Variants in TFAP2A observed in about 807,000 individuals in gnomAD.
TFAP2A encodes the protein transcription factor AP-2 alpha, also known as transcription factor AP-2-alpha.
In TFAP2A, 7 loss-of-function variants were observed where a neutral mutation model predicts 41.5. That is an observed-to-expected ratio of 0.17 (90% CI 0.10 to 0.32). TFAP2A has a LOEUF of 0.32. Ranked by LOEUF, TFAP2A falls within the 10% of genes least tolerant of loss-of-function variation. The probability of loss-of-function intolerance (pLI) is 1.00; values close to 1 mark genes in which losing one functional copy is unlikely to be tolerated. For synonymous variants in TFAP2A, 247 were observed against 242.8 expected (o/e 1.02, Z -0.16); for missense variants, 416 against 563.3 (o/e 0.74, Z 2.65).
At chr6:10,406,763 A>G (rs762612619) in intron 3 of TFAP2A, 30 bp downstream of exon 3, 5 of 1,587,588 alleles carry the variant, frequency 3.1e-6, no homozygotes, top group African/African-American at 1.3e-5. Context: ...CTGTAAGGAC[A>G]TGCTTGGAAT....
At chr6:10,412,469 A>C (rs2113216186) in intron 1 of TFAP2A, 1 of 122,878 alleles carries the variant, frequency 8.1e-6, no homozygotes. Context: ...AAGGGAGGGA[A>C]AGAGGGAGGG....
rs1254855466 is a variant in TFAP2A, at chr6:10,409,865, T to C, written c.486+36A>G. On this transcript the variant is annotated intron_variant, in intron 2 of 6. Transcript: ENST00000379613. ...TTTCTGGGGTAGGTAAGTAGGGGGC[T>C]GTGTTCCCTCCCGCGCTGGTTGCGC... 1.9e-6 allele frequency: 3 copies of C among 1,546,360 alleles called. No homozygotes were observed. In the South Asian group the frequency reaches 3.6e-5, roughly 18 times the overall value.
chr6:10,398,753 G>A lies in TFAP2A; in HGVS notation c.1032-48C>T, dbSNP rs750833844. On this transcript the variant is annotated intron_variant, in intron 6 of 6. Transcript: ENST00000379613. The surrounding 1 kb of genome is among the most constrained non-coding windows in gnomAD (Gnocchi z 5.3). ...AGAGAGACATAAGGCTCCACTATGG[G>A]CAGCACTAGCAGCAAAGAGAAAACC... 3.8e-6 allele frequency: 6 copies of A among 1,593,784 alleles called. No homozygotes were observed. In the African/African-American group the frequency reaches 6.7e-5, roughly 18 times the overall value.
chr6:10,404,441 C>G, intron 4 of TFAP2A, 67 bp downstream of exon 4: 1 of 1,226,594 alleles, frequency 8.2e-7, no homozygotes, highest in South Asian at 2.4e-5. Flanking sequence ...GCCGCCACCG[C>G]CCCGGCGCAA....
chr6:10,404,948 G>A (rs1195439470), intron 3 of TFAP2A: 2 of 599,932 alleles, frequency 3.3e-6, no homozygotes, highest in Admixed American at 2.9e-5. Context: ...CCGGGAGGCG[G>A]CCCTGCCCTC....
chr6:10,406,723 C>T, intron 3 of TFAP2A, 70 bp downstream of exon 3: 1 of 1,337,856 alleles, frequency 7.5e-7, no homozygotes, highest in South Asian at 1.2e-5. Flanking sequence ...ATAAACACAT[C>T]TCTGCAAGTT....
chr6:10,399,952 C>T (rs561991228), intron 6 of TFAP2A, among the ~76,000 whole-genome samples: 2 of 151,314 alleles, frequency 1.3e-5, no homozygotes, highest in African/African-American at 2.4e-5. Flanking sequence ...GTGTCACTTT[C>T]GAGAAGGGGT....
At chr6:10,417,654 AG>A (rs1758296019), upstream of TFAP2A, among the ~76,000 whole-genome samples, 1 of 152,146 alleles carries the variant, frequency 6.6e-6, no homozygotes, top group Non-Finnish European at 1.5e-5. Context: ...ACAAAGAGAA[AG>A]AGACAGTGAG....
At chr6:10,405,024 A>G (rs1757645066) in intron 3 of TFAP2A, 2 of 512,966 alleles carry the variant, frequency 3.9e-6, no homozygotes, top group Admixed American at 3.2e-5. Flanking sequence ...GGTGCTCTCT[A>G]GAGATGGGTG....
At chr6:10,406,138 AT>A (rs1311116734) in intron 3 of TFAP2A, 3 of 152,476 alleles carry the variant, frequency 2.0e-5, no homozygotes, top group African/African-American at 7.2e-5. Flanking sequence ...AGTGAATAGC[AT>A]TTAATTCAGT....
rs1295010353 is a variant in TFAP2A at position 10,409,913 on chromosome 6, G to C, written c.474C>G (p.Ile158Met). The change falls in exon 2 of 7, where the codon ATC (isoleucine) becomes ATG (methionine). Residue 158 changes from isoleucine (I) to methionine (M), a missense_variant. By Grantham distance (10) the Ile-to-Met change is conservative. Around this residue, in one of 3 missense-constraint regions of TFAP2A, gnomAD observed 241 missense variants for 274.1 expected, o/e 0.88. Coordinates refer to ENST00000379613, the MANE Select transcript of TFAP2A (RefSeq NM_001372066.1). ...DLSIHSLPHAIEEVPHVEDPG... is the reference protein window; with the variant it reads ...DLSIHSLPHAMEEVPHVEDPG... ...CGCGGCCTCTTACCGGGACCTCCTC[G>C]ATGGCGTGAGGTAAGGAGTGGATCG... The C allele has an allele frequency of 8.5e-5, 131 of 1,549,234 alleles. No homozygotes were observed. The highest frequency in any genetic ancestry group is 1.1e-4 in the Non-Finnish European group (129 of 1,145,188).
Position 10,398,548 on chromosome 6 carries a change from C to T in TFAP2A, c.1189G>A (p.Val397Ile). ...GTGAGATAGTTCTGCAGGGCCGTGACCGCGGCACACACCGCGGGGCTGCCG... is the reference window on the plus strand; with the variant it reads ...GTGAGATAGTTCTGCAGGGCCGTGATCGCGGCACACACCGCGGGGCTGCCG... Reference protein sequence around the residue: ...GFGSPAVCAAVTALQNYLTEA... With the variant: ...GFGSPAVCAAITALQNYLTEA... Residue 397 changes from valine to isoleucine, a missense_variant, in exon 7 of 7, where the codon GTC becomes ATC. Coordinates refer to ENST00000379613, the MANE Select transcript of TFAP2A (RefSeq NM_001372066.1). This position sits in a 1 kb window ranked among gnomAD's most constrained non-coding sequence, Gnocchi z 5.3. 6.2e-7 allele frequency: 1 copy of T among 1,614,234 alleles called. No homozygotes were observed. The highest frequency in any genetic ancestry group is 8.5e-7 in the Non-Finnish European group (1 of 1,180,042).
Position 10,398,808 on chromosome 6 carries a change from C to G in TFAP2A, c.1032-103G>C. On this transcript the variant is annotated intron_variant, in intron 6 of 6. Coordinates refer to ENST00000379613, the MANE Select transcript of TFAP2A (RefSeq NM_001372066.1). The surrounding 1 kb of genome is among the most constrained non-coding windows in gnomAD (Gnocchi z 5.3). Reference sequence around the variant, plus strand: ...TCCCTGCAGCTACCTCTGCCGGGATCCAGCCGGTACCTGACATGACCCAAG... The same window carrying G: ...TCCCTGCAGCTACCTCTGCCGGGATGCAGCCGGTACCTGACATGACCCAAG... 1 of 1,358,256 alleles carries G rather than the reference C, an allele frequency of 7.4e-7. No individual in the cohort carries two copies. Among genetic ancestry groups the G allele is most frequent in the Non-Finnish European group, 1.0e-6 (1 of 990,884 alleles). The allele number at this position is 1,358,256 out of a possible 1,614,324, so 84.1% of individuals were successfully genotyped here. A position where few individuals can be genotyped will look rare whatever the true frequency, so the allele number is the denominator to read the frequency against.
Position 10,396,876 on chromosome 6 carries a change from TA to T in TFAP2A, c.*1540del, listed in dbSNP as rs1761784308. 6.5e-6 allele frequency: 1 copy of T among 152,736 alleles called. No homozygotes were observed. Among genetic ancestry groups the T allele is most frequent in the East Asian group, 1.9e-4 (1 of 5,184 alleles). 9.5% of individuals were successfully genotyped at this position (152,736 alleles called of 1,614,324 possible). On this transcript the variant is annotated 3_prime_UTR_variant, in exon 7 of 7. Coordinates refer to ENST00000379613, the MANE Select transcript of TFAP2A (RefSeq NM_001372066.1). ...CCTGCTCTGAACTCCAAGTTGAAAG[TA>T]AGTTTTTATTATACTTGAGGGAAAC...
At chr6:10,404,434 G>T in intron 4 of TFAP2A, 74 bp downstream of exon 4, 1 of 1,135,830 alleles carries the variant, frequency 8.8e-7, no homozygotes, top group Non-Finnish European at 1.1e-6. Context: ...TTGCGTCGCC[G>T]CCACCGCCCC....
chr6:10,412,860 A>G lies in TFAP2A; in HGVS notation c.51+2081T>C, dbSNP rs537427875. The G allele has an allele frequency of 8.5e-3, 1,327 of 155,992 alleles. 19 individuals are homozygous for G. Among genetic ancestry groups the G allele is most frequent in the African/African-American group, 0.03 (1,236 of 41,574 alleles). 9.7% of individuals were successfully genotyped at this position (155,992 alleles called of 1,614,324 possible). A position where few individuals can be genotyped will look rare whatever the true frequency, so the allele number is the denominator to read the frequency against. ...GCCTCCTCTTGAGCTTTCCTCGGAC[A>G]GGGGCACCGTGCGCTCCCCGGCCAC... On this transcript the variant is annotated intron_variant, in intron 1 of 6. Transcript: ENST00000379613.
Position 10,398,288 on chromosome 6 carries a change from G to A in TFAP2A, c.*129C>T. 6.3e-7 allele frequency: 1 copy of A among 1,584,028 alleles called. No homozygotes were observed. On this transcript the variant is annotated 3_prime_UTR_variant, in exon 7 of 7. Coordinates refer to ENST00000379613, the MANE Select transcript of TFAP2A (RefSeq NM_001372066.1). This position sits in a 1 kb window ranked among gnomAD's most constrained non-coding sequence, Gnocchi z 5.3. Reference sequence around the variant, plus strand: ...GGGGGACCCAAGGGCAGCGGCGGCGGCGGCGGCGGCAGCAGCAGCAGCAGT... The same window carrying A: ...GGGGGACCCAAGGGCAGCGGCGGCGACGGCGGCGGCAGCAGCAGCAGCAGT...
upstream of TFAP2A, chr6:10,419,315 C>A: frequency 7.1e-7 from 1 of 1,415,092 alleles, no homozygotes; most frequent in Non-Finnish European, 9.9e-7. Context: ...CTACGACTCC[C>A]CTGCCCTGGG....
chr6:10,406,779 A>T lies in TFAP2A; in HGVS notation c.538+14T>A. On this transcript the variant is annotated intron_variant, in intron 3 of 6. Transcript: ENST00000379613. ...TGTAAGGACATGCTTGGAATGCAGA[A>T]GGAAATGGCTTACCTTTCTTAATTA... The T allele has an allele frequency of 6.2e-7, 1 of 1,608,984 alleles. No homozygotes were observed. Among genetic ancestry groups the T allele is most frequent in the Non-Finnish European group, 8.5e-7 (1 of 1,175,262 alleles).
Sources: allele counts gnomAD v4.1 joint callset (sites outside exome capture counted in the v4.1 genomes callset), GRCh38; gene constraint gnomAD v4.1.1; regional missense constraint gnomAD v4.1.1; non-coding constraint Gnocchi (gnomAD v3.1); transcripts MANE v1.5; gene names NCBI Gene and HGNC (gene_info 2026-07-23, HGNC 2026-07-21).